ANKRD31: variants seen among roughly 807,000 people sequenced by gnomAD.
ANKRD31 encodes ankyrin repeat domain 31, also known as ankyrin repeat domain-containing protein 31.
In ANKRD31, 147 loss-of-function variants were observed where a neutral mutation model predicts 186.0. The observed-to-expected ratio is 0.79, with a 90% CI of 0.69 to 0.91. ANKRD31 has a LOEUF of 0.91. ANKRD31 is among the 40% of genes least tolerant of loss of function. The probability of loss-of-function intolerance (pLI) is 0.00; values close to 1 mark genes in which losing one functional copy is unlikely to be tolerated. For synonymous variants in ANKRD31, 673 were observed against 736.4 expected (o/e 0.91, Z 1.39); for missense variants, 1,986 against 2,148.8 (o/e 0.92, Z 1.50).
chr5:75,229,667 C>T (rs1039628469), intron 2 of ANKRD31, among the ~76,000 whole-genome samples: 2 of 152,000 alleles, frequency 1.3e-5, no homozygotes, highest in African/African-American at 4.8e-5. Context: ...GAGTTCAAGA[C>T]CAGCCTGGCC....
intron 4 of ANKRD31, among the ~76,000 whole-genome samples, chr5:75,207,879 A>G (rs6889760): frequency 6.6e-6 from 1 of 151,732 alleles, no homozygotes; most frequent in Non-Finnish European, 1.5e-5. Flanking sequence ...ACAACAATAG[A>G]AGTTTTCAAA....
At chr5:75,109,080 C>T (rs4340901) in intron 20 of ANKRD31, among the ~76,000 whole-genome samples, 76,765 of 151,952 alleles carry the variant, frequency 0.51, 22,338 homozygotes, top group African/African-American at 0.81. Flanking sequence ...GATTTTAATA[C>T]TTCATTAGAC....
intron 6 of ANKRD31, among the ~76,000 whole-genome samples, chr5:75,196,633 T>C (rs1183892237): frequency 6.6e-6 from 1 of 152,176 alleles, no homozygotes; most frequent in African/African-American, 2.4e-5. Context: ...TTTCACCTTC[T>C]TTTTGTTCCC....
At chr5:75,169,160 C>A in intron 10 of ANKRD31, 39 bp from the exon 11 acceptor site, 1 of 1,523,034 alleles carries the variant, frequency 6.6e-7, no homozygotes, top group African/African-American at 1.4e-5. Context: ...TTACATTTGG[C>A]ATCTTAATAA....
chr5:75,171,668 A>G (rs75439062), intron 10 of ANKRD31, among the ~76,000 whole-genome samples: 40,639 of 151,518 alleles, frequency 0.27, 5,754 homozygotes, highest in South Asian at 0.41. Context: ...GATTCTTGAA[A>G]AAAATCAATA....
intron 17 of ANKRD31, among the ~76,000 whole-genome samples, chr5:75,129,897 C>G (rs1210107398): frequency 6.6e-6 from 1 of 152,182 alleles, no homozygotes; most frequent in Non-Finnish European, 1.5e-5. Context: ...GAAGCCATGA[C>G]AGATGGTACC....
At chr5:75,078,108 AT>A (rs1172096842) in intron 25 of ANKRD31, among the ~76,000 whole-genome samples, 2 of 152,164 alleles carry the variant, frequency 1.3e-5, no homozygotes, top group African/African-American at 4.8e-5. Context: ...AAGAGTGTTA[AT>A]CATGATACCA....
chr5:75,209,568 T>G (rs1166928269), intron 4 of ANKRD31, among the ~76,000 whole-genome samples: 1 of 152,060 alleles, frequency 6.6e-6, no homozygotes. Flanking sequence ...TCCCAGCTAC[T>G]TGGGAGGCTG....
chr5:75,136,033 C>A (rs1750544765), intron 17 of ANKRD31, among the ~76,000 whole-genome samples: 1 of 152,170 alleles, frequency 6.6e-6, no homozygotes, highest in Non-Finnish European at 1.5e-5. Flanking sequence ...GGATTAAAGA[C>A]TTAAATGTAG....
intron 11 of ANKRD31, among the ~76,000 whole-genome samples, chr5:75,156,763 G>A (rs1431400289): frequency 3.3e-5 from 5 of 152,164 alleles, no homozygotes; most frequent in African/African-American, 1.2e-4. Flanking sequence ...AAGGCTGGCA[G>A]CCACTGGAAG....
intron 23 of ANKRD31, among the ~76,000 whole-genome samples, chr5:75,087,775 T>C: frequency 6.6e-6 from 1 of 152,310 alleles, no homozygotes; most frequent in Non-Finnish European, 1.5e-5. Flanking sequence ...AATATTTCTT[T>C]AGGAATTCAT....
chr5:75,114,579 G>A (rs372377488), intron 19 of ANKRD31, among the ~76,000 whole-genome samples: 45 of 152,028 alleles, frequency 3.0e-4, no homozygotes, highest in Admixed American at 6.6e-4. Flanking sequence ...TACAATCAAC[G>A]TACAAAAATC....
chr5:75,122,475 A>C (rs962975236), intron 17 of ANKRD31, among the ~76,000 whole-genome samples: 1 of 151,860 alleles, frequency 6.6e-6, no homozygotes, highest in African/African-American at 2.4e-5. Flanking sequence ...AACACAAACA[A>C]ACAGAAAAAA....
intron 2 of ANKRD31, among the ~76,000 whole-genome samples, chr5:75,229,888 C>A (rs78272906): frequency 0.088 from 6,922 of 78,828 alleles, 373 homozygotes; most frequent in South Asian, 0.13. Flanking sequence ...AAAAAAAAAA[C>A]AAAAAAAACA....
In ANKRD31 at chr5:75,206,475, GT is replaced by G; in HGVS notation, c.338del (p.Asn113ThrfsTer16). 6.9e-7 allele frequency: 1 copy of G among 1,439,424 alleles called. No homozygotes were observed. The highest frequency in any genetic ancestry group is 9.1e-7 in the Non-Finnish European group (1 of 1,101,864). The allele number at this position is 1,439,424 out of a possible 1,614,324, so 89.2% of individuals were successfully genotyped here. On this transcript the variant is annotated frameshift_variant, in exon 5 of 26. Coordinates refer to ENST00000506364, the MANE Select transcript of ANKRD31 (RefSeq NM_001372053.1). LOFTEE classifies it high-confidence loss of function. ...GAAACGACCCAATGAACATTGAACA[GT>G]TTTTTCTAGTCCTAAAAAATCAATT... ...RNQALLQTRK[N>X]CSMFIGSFRQ...
At chr5:75,119,894 A>G (rs949430530) in intron 17 of ANKRD31, among the ~76,000 whole-genome samples, 8 of 152,116 alleles carry the variant, frequency 5.3e-5, no homozygotes, top group Admixed American at 5.2e-4. Flanking sequence ...TGTATACTAA[A>G]TGACAAACTT....
chr5:75,236,005 T>C (rs1387033089), intron 1 of ANKRD31, among the ~76,000 whole-genome samples: 1 of 152,216 alleles, frequency 6.6e-6, no homozygotes, highest in Non-Finnish European at 1.5e-5. Context: ...GACACAGCCC[T>C]GAGCACATAT....
chr5:75,130,345 T>C (rs1411295105), intron 17 of ANKRD31, among the ~76,000 whole-genome samples: 2 of 152,194 alleles, frequency 1.3e-5, no homozygotes, highest in African/African-American at 4.8e-5. Context: ...GAACAAAGCT[T>C]CCACAGTGTG....
At chr5:75,211,508 G>C (rs1756646526) in intron 3 of ANKRD31, among the ~76,000 whole-genome samples, 1 of 152,160 alleles carries the variant, frequency 6.6e-6, no homozygotes. Context: ...TATACAATCA[G>C]AAGTGAAATT....
Sources: gnomAD v4.1 joint callset for allele counts (sites outside exome capture counted in the v4.1 genomes callset) on GRCh38, gnomAD v4.1.1 for gene constraint, MANE v1.5 for transcripts, NCBI Gene and HGNC (gene_info 2026-07-23, HGNC 2026-07-21) for gene names.